The following GNPTAB variants were observed in gnomAD, a reference collection of about 807,000 sequenced individuals.
GNPTAB encodes the protein N-acetylglucosamine-1-phosphotransferase subunits alpha/beta.
GNPTAB carries 92 observed loss-of-function variants against 136.6 expected under a neutral mutation model. The ratio of observed to expected loss-of-function variants is 0.67; its 90% CI spans 0.57 to 0.80. GNPTAB has a LOEUF of 0.80. GNPTAB is among the 30% of genes least tolerant of loss of function. The pLI is 0.00. For missense variants in GNPTAB, 1,343 were observed against 1,501.8 expected (o/e 0.89, Z 1.75); for synonymous variants, 512 against 535.1 (o/e 0.96, Z 0.60).
At chr12:101,759,336 C>T (rs1338380832) in intron 16 of GNPTAB, among the ~76,000 whole-genome samples, 1 of 128,732 alleles carries the variant, frequency 7.8e-6, no homozygotes, top group African/African-American at 2.9e-5. Context: ...GCACTCCGGC[C>T]TGGGTGAAAG....
chr12:101,813,652 AG>A (rs1870351743), intron 1 of GNPTAB, among the ~76,000 whole-genome samples: 1 of 152,212 alleles, frequency 6.6e-6, no homozygotes, highest in South Asian at 2.1e-4. Context: ...GTTAAATACT[AG>A]GAACAGCAGT....
rs201722381 is a variant in GNPTAB at position 101,788,506 on chromosome 12, A to T, written c.365+42T>A. On this transcript the variant is annotated intron_variant, in intron 4 of 20. Transcript: ENST00000299314. ...AATGATAATCTGAAATTTCACTTCA[A>T]TCCTTCACTTTTTACTCTTGAGAGG... 6.1e-6 allele frequency: 7 copies of T among 1,146,130 alleles called. No homozygotes were observed. The African/African-American group carries it at 7.6e-5, about 12-fold the overall frequency. The allele number at this position is 1,146,130 out of a possible 1,614,324, so 71.0% of individuals were successfully genotyped here.
In GNPTAB at chr12:101,757,293, T is replaced by C. The variant is rs1350058279; in HGVS notation, c.3353A>G (p.Glu1118Gly). Residue 1118 changes from glutamate (E) to glycine (G), a missense_variant, in exon 18 of 21, where the codon GAA (glutamate) becomes GGA (glycine). Glu to Gly is a moderately conservative substitution (Grantham distance 98). Transcript: ENST00000299314. ...AATCATTTTAAAAGCGATTTCTTCT[T>C]CTCCCATGATTTCAAACCTAATTAT... ...KNKYRFEIMG[E>G]EEIAFKMIRT... 2 of 1,598,030 alleles carry C rather than the reference T, an allele frequency of 1.3e-6. No individual in the cohort carries two copies. Among genetic ancestry groups the C allele is most frequent in the East Asian group, 2.2e-5 (1 of 44,792 alleles).
chr12:101,789,766 G>T (rs931881862), intron 3 of GNPTAB, among the ~76,000 whole-genome samples, 172 bp downstream of exon 3: 12 of 152,212 alleles, frequency 7.9e-5, no homozygotes, highest in Non-Finnish European at 1.8e-4. Context: ...TTACAGGTGT[G>T]AGCCACCATG....
intron 5 of GNPTAB, chr12:101,785,706 T>G: frequency 3.0e-6 from 1 of 328,434 alleles, no homozygotes. Context: ...AGTAGAGGAG[T>G]TATATAGTAG....
chr12:101,793,349 G>T (rs1288293275), intron 2 of GNPTAB, among the ~76,000 whole-genome samples: 1 of 152,016 alleles, frequency 6.6e-6, no homozygotes, highest in African/African-American at 2.4e-5. Context: ...TAAAAGAAAA[G>T]GTTAAAGGAG....
chr12:101,794,935 T>C (rs1269750673), intron 2 of GNPTAB, among the ~76,000 whole-genome samples: 1 of 152,092 alleles, frequency 6.6e-6, no homozygotes, highest in Non-Finnish European at 1.5e-5. Context: ...TTAAAATCAA[T>C]TTAAAAATTT....
intron 1 of GNPTAB, among the ~76,000 whole-genome samples, chr12:101,824,433 T>TATATATATATATATATATATA (rs1423746036): frequency 5.1e-4 from 46 of 90,622 alleles, no homozygotes; most frequent in East Asian, 1.2e-3. Flanking sequence ...TATATATATA[T>TATATATATATATATATATATA]TTTCTTTTTT....
At chr12:101,810,422 TACACAC>T (rs1246778200) in intron 1 of GNPTAB, 3 of 94,468 alleles carry the variant, frequency 3.2e-5, no homozygotes, top group African/African-American at 4.5e-5. Flanking sequence ...TATATATATA[TACACAC>T]ACATACACAC....
At chr12:101,797,557 T>C (rs541635455) in intron 1 of GNPTAB, among the ~76,000 whole-genome samples, 17 of 152,080 alleles carry the variant, frequency 1.1e-4, no homozygotes, top group East Asian at 1.9e-4. Flanking sequence ...CTGGGAGGCA[T>C]AGGTTGCAGT....
intron 8 of GNPTAB, 28 bp downstream of exon 8, chr12:101,770,968 G>T: frequency 6.2e-7 from 1 of 1,604,658 alleles, no homozygotes; most frequent in Non-Finnish European, 8.5e-7. Flanking sequence ...TTTGATTTGG[G>T]CTGTAAAAGC....
At chr12:101,789,847 G>T in intron 3 of GNPTAB, 91 bp downstream of exon 3, 2 of 1,251,814 alleles carry the variant, frequency 1.6e-6, no homozygotes, top group Non-Finnish European at 2.3e-6. Flanking sequence ...TGATGACTGG[G>T]TTTTCATGCT....
At chr12:101,759,362 C>CAAAAAAAAA in intron 16 of GNPTAB, among the ~76,000 whole-genome samples, 1 of 50,870 alleles carries the variant, frequency 2.0e-5, no homozygotes. Context: ...GACTCCGTCT[C>CAAAAAAAAA]AAAAAAAAAA....
At chr12:101,830,515 G>A (rs1256465084) in intron 1 of GNPTAB, 44 bp downstream of exon 1, 2 of 1,094,192 alleles carry the variant, frequency 1.8e-6, no homozygotes, top group Non-Finnish European at 2.8e-6. Flanking sequence ...CGAGGGCAGT[G>A]CAGGGTCGAG....
intron 2 of GNPTAB, among the ~76,000 whole-genome samples, chr12:101,793,536 G>C (rs1369087623): frequency 6.6e-6 from 1 of 152,118 alleles, no homozygotes; most frequent in African/African-American, 2.4e-5. Flanking sequence ...TGATCTGCAC[G>C]AGGTCAATGA....
chr12:101,827,790 C>A (rs192994798), intron 1 of GNPTAB, among the ~76,000 whole-genome samples: 1 of 152,208 alleles, frequency 6.6e-6, no homozygotes, highest in Non-Finnish European at 1.5e-5. Context: ...CATGGTGAAA[C>A]CCTGTCTCTA....
In GNPTAB at chr12:101,761,560, T is replaced by G. The variant is rs1443089437; in HGVS notation, c.2915+4A>C. 2 of 1,611,166 alleles carry G rather than the reference T, an allele frequency of 1.2e-6. No individual in the cohort carries two copies. The highest frequency in any genetic ancestry group is 1.1e-5 in the South Asian group (1 of 91,036). ...CAAACAACTCAAACACGAGCAAGAC[T>G]TACATATCTTGCAGTTCTTGCATAA... On this transcript the variant is annotated splice_donor_region_variant and intron_variant, in intron 14 of 20. Transcript: ENST00000299314.
At chr12:101,779,916 T>G in intron 7 of GNPTAB, 1 of 546,720 alleles carries the variant, frequency 1.8e-6, no homozygotes, top group East Asian at 3.3e-5. Context: ...TTGTAGGAGC[T>G]CATCTGTTAA....
intron 1 of GNPTAB, among the ~76,000 whole-genome samples, chr12:101,817,011 G>A (rs958649288): frequency 6.6e-6 from 1 of 152,192 alleles, no homozygotes; most frequent in African/African-American, 2.4e-5. Flanking sequence ...CATGGAGGTA[G>A]AGAATAGAAT....
Sources: gnomAD v4.1 joint callset for allele counts (sites outside exome capture counted in the v4.1 genomes callset) on GRCh38, gnomAD v4.1.1 for gene constraint, MANE v1.5 for transcripts, NCBI Gene and HGNC (gene_info 2026-07-23, HGNC 2026-07-21) for gene names.